The following LRRC1 variants were observed in gnomAD, a reference collection of about 807,000 sequenced individuals.
The protein encoded by LRRC1 is leucine-rich repeat-containing protein 1.
LRRC1 carries 28 observed loss-of-function variants against 69.9 expected under a neutral mutation model. That is an observed-to-expected ratio of 0.40 (90% CI 0.30 to 0.55). LRRC1 has a LOEUF of 0.55. LRRC1 is among the 20% of genes least tolerant of loss of function. The pLI, the probability that LRRC1 is intolerant of heterozygous loss-of-function variation, is 0.47. For synonymous variants in LRRC1, 236 were observed against 240.2 expected, an observed-to-expected ratio of 0.98 and a Z score of 0.16; for missense variants, 498 against 609.0, an observed-to-expected ratio of 0.82 and a Z score of 1.92.
chr6:53,919,702 G>C, intron 12 of LRRC1, 32 bp downstream of exon 12: 2 of 1,593,222 alleles, frequency 1.3e-6, no homozygotes, highest in Middle Eastern at 3.4e-4. Context: ...TATTCACAGG[G>C]CCACGAGATT....
chr6:53,884,072 A>T (rs1197487583), intron 4 of LRRC1: 1 of 709,800 alleles, frequency 1.4e-6, no homozygotes, highest in Non-Finnish European at 2.6e-6. Context: ...TTAAACTCTC[A>T]GGAGGAGAAG....
intron 2 of LRRC1, among the ~76,000 whole-genome samples, chr6:53,876,061 C>T (rs1424979416): frequency 6.6e-6 from 1 of 152,064 alleles, no homozygotes; most frequent in South Asian, 2.1e-4. Context: ...AAGACATATC[C>T]GAGACTGGGC....
chr6:53,883,082 C>A, intron 4 of LRRC1, 106 bp downstream of exon 4: 3 of 672,240 alleles, frequency 4.5e-6, no homozygotes, highest in Non-Finnish European at 5.0e-6. Context: ...CTCAGAAAGC[C>A]ATTTACTCAT....
At chr6:53,817,868 A>G (rs754845788) in intron 1 of LRRC1, among the ~76,000 whole-genome samples, 3 of 152,218 alleles carry the variant, frequency 2.0e-5, no homozygotes, top group Non-Finnish European at 4.4e-5. Context: ...AAAATGATCA[A>G]GCTACATCCT....
At chr6:53,870,591 G>A (rs1766850739) in intron 2 of LRRC1, among the ~76,000 whole-genome samples, 1 of 152,058 alleles carries the variant, frequency 6.6e-6, no homozygotes, top group Non-Finnish European at 1.5e-5. Flanking sequence ...ATCAAATCAG[G>A]GTAGTTAGCA....
intron 11 of LRRC1, among the ~76,000 whole-genome samples, chr6:53,915,893 T>C (rs1768549423): frequency 6.6e-6 from 1 of 152,196 alleles, no homozygotes; most frequent in South Asian, 2.1e-4. Flanking sequence ...TTGTCAGCCT[T>C]TTAGCTTGCA....
chr6:53,901,792 T>A (rs575305335), intron 8 of LRRC1, among the ~76,000 whole-genome samples: 1 of 152,356 alleles, frequency 6.6e-6, no homozygotes, highest in Admixed American at 6.5e-5. Flanking sequence ...GGCTATTGAT[T>A]ATGCTAAATA....
At chr6:53,816,789 G>C (rs1292391629) in intron 1 of LRRC1, among the ~76,000 whole-genome samples, 2 of 152,114 alleles carry the variant, frequency 1.3e-5, no homozygotes, top group African/African-American at 2.4e-5. Context: ...TGATTCCTCT[G>C]CAACTTGTGA....
chr6:53,902,784 T>G, intron 9 of LRRC1, 37 bp downstream of exon 9: 2 of 1,260,940 alleles, frequency 1.6e-6, no homozygotes, highest in Non-Finnish European at 2.3e-6. Flanking sequence ...AAAGACTTAC[T>G]AGGGTAGATT....
chr6:53,889,778 T>C (rs1231574754), intron 4 of LRRC1, among the ~76,000 whole-genome samples: 1 of 152,204 alleles, frequency 6.6e-6, no homozygotes, highest in African/African-American at 2.4e-5. Flanking sequence ...CAAAGGTGAA[T>C]TTCATAGTTT....
At chr6:53,917,745 G>C (rs1359146642) in intron 11 of LRRC1, among the ~76,000 whole-genome samples, 2 of 152,132 alleles carry the variant, frequency 1.3e-5, no homozygotes, top group African/African-American at 4.8e-5. Context: ...ATGTTAGCTT[G>C]CTTCCTCTTT....
chr6:53,850,207 A>G (rs1485543324), intron 2 of LRRC1, among the ~76,000 whole-genome samples: 3 of 152,204 alleles, frequency 2.0e-5, no homozygotes, highest in South Asian at 2.1e-4. Context: ...TTGTGGTATA[A>G]ATGAAGTGCT....
At chr6:53,909,480 T>C (rs1402360084) in intron 10 of LRRC1, among the ~76,000 whole-genome samples, 1 of 152,210 alleles carries the variant, frequency 6.6e-6, no homozygotes, top group African/African-American at 2.4e-5. Flanking sequence ...TACTGGAAGA[T>C]TGTACCTCAT....
At chr6:53,838,250 G>A (rs558263835) in intron 1 of LRRC1, among the ~76,000 whole-genome samples, 1 of 152,272 alleles carries the variant, frequency 6.6e-6, no homozygotes, top group South Asian at 2.1e-4. Context: ...GTTTCATTTG[G>A]GATCATGTCA....
chr6:53,844,805 A>G (rs1765888844), intron 2 of LRRC1, among the ~76,000 whole-genome samples: 1 of 152,134 alleles, frequency 6.6e-6, no homozygotes, highest in African/African-American at 2.4e-5. Flanking sequence ...TCCCTTCTTG[A>G]CAGGGCCTGG....
At chr6:53,822,944 C>T (rs953188586) in intron 1 of LRRC1, among the ~76,000 whole-genome samples, 4 of 152,166 alleles carry the variant, frequency 2.6e-5, no homozygotes, top group South Asian at 2.1e-4. Context: ...TCAGAGCAAA[C>T]GCTGTCATAT....
Position 53,807,148 on chromosome 6 carries a change from A to G in LRRC1, c.159+11733A>G, listed in dbSNP as rs144308711. On this transcript the variant is annotated intron_variant, in intron 1 of 13. Coordinates refer to ENST00000370888, the MANE Select transcript of LRRC1 (RefSeq NM_018214.5). Reference sequence around the variant, plus strand: ...AAGGAGTAAGTTAGGATCAAAGGCTACAGCTCTCTAGTCTCCTCCTGAATA... The same window carrying G: ...AAGGAGTAAGTTAGGATCAAAGGCTGCAGCTCTCTAGTCTCCTCCTGAATA... Among the ~76,000 whole-genome samples, 230 of 152,328 alleles carry G rather than the reference A, an allele frequency of 1.5e-3. 3 individuals are homozygous for G. Among genetic ancestry groups the G allele is most frequent in the African/African-American group, 4.7e-3 (194 of 41,564 alleles).
chr6:53,870,996 A>G (rs1323405292), intron 2 of LRRC1, among the ~76,000 whole-genome samples: 1 of 152,236 alleles, frequency 6.6e-6, no homozygotes, highest in East Asian at 1.9e-4. Flanking sequence ...GCTGAATAGT[A>G]CATTGTGTGA....
At chr6:53,817,831 G>A (rs569456263) in intron 1 of LRRC1, among the ~76,000 whole-genome samples, 1 of 152,086 alleles carries the variant, frequency 6.6e-6, no homozygotes, top group East Asian at 1.9e-4. Context: ...AGAATCTAGG[G>A]TACTACAGTA....
Sources: allele counts gnomAD v4.1 joint callset (sites outside exome capture counted in the v4.1 genomes callset), GRCh38; gene constraint gnomAD v4.1.1; transcripts MANE v1.5; gene names NCBI Gene and HGNC (gene_info 2026-07-23, HGNC 2026-07-21).